The following STK32B variants were observed in gnomAD, a reference collection of about 807,000 sequenced individuals.
The protein encoded by STK32B is serine/threonine kinase 32B, also known as serine/threonine-protein kinase 32B.
Under a neutral mutation model 52.6 loss-of-function variants are expected in STK32B, and 43 were observed. The ratio of observed to expected loss-of-function variants is 0.82; its 90% confidence interval spans 0.64 to 1.05. The LOEUF (loss-of-function observed/expected upper bound fraction) is 1.05, where lower values mean the gene tolerates loss of function less well. STK32B is among the 50% of genes least tolerant of loss of function. The probability of loss-of-function intolerance (pLI) is 0.00; values close to 1 mark genes in which losing one functional copy is unlikely to be tolerated. For synonymous variants in STK32B, 238 were observed against 204.3 expected (o/e 1.17, Z -1.41); for missense variants, 621 against 534.6 (o/e 1.16, Z -1.59).
At chr4:5,385,679 T>G (rs1736201215) in intron 4 of STK32B, among the ~76,000 whole-genome samples, 1 of 152,194 alleles carries the variant, frequency 6.6e-6, no homozygotes, top group South Asian at 2.1e-4. Context: ...TCCAGGTCGT[T>G]TGTTGCACTT....
At chr4:5,240,523 G>A (rs546657853) in intron 3 of STK32B, among the ~76,000 whole-genome samples, 1 of 152,080 alleles carries the variant, frequency 6.6e-6, no homozygotes, top group Non-Finnish European at 1.5e-5. Flanking sequence ...GCAGTGGCAT[G>A]ATCTCTGCTC....
intron 3 of STK32B, among the ~76,000 whole-genome samples, chr4:5,290,354 T>C (rs573333235): frequency 1.1e-4 from 17 of 152,320 alleles, no homozygotes; most frequent in African/African-American, 3.6e-4. Context: ...TAAACAAAAA[T>C]GTTTTATTCC....
At chr4:5,444,514 T>A (rs1428776234) in intron 6 of STK32B, among the ~76,000 whole-genome samples, 1 of 152,178 alleles carries the variant, frequency 6.6e-6, no homozygotes. Context: ...CACTCCCTAG[T>A]GAGATGAACC....
At chr4:5,210,461 T>G (rs1722840581) in intron 3 of STK32B, among the ~76,000 whole-genome samples, 1 of 152,188 alleles carries the variant, frequency 6.6e-6, no homozygotes, top group African/African-American at 2.4e-5. Flanking sequence ...GTATCACAGA[T>G]AATTCATTTT....
At chr4:5,315,485 AAT>A (rs1411203736) in intron 3 of STK32B, among the ~76,000 whole-genome samples, 1 of 148,920 alleles carries the variant, frequency 6.7e-6, no homozygotes, top group East Asian at 1.9e-4. Context: ...GCATAAACTC[AAT>A]ATTATCTAAA....
intron 4 of STK32B, among the ~76,000 whole-genome samples, chr4:5,392,660 C>T (rs1051453456): frequency 2.6e-5 from 4 of 152,036 alleles, no homozygotes; most frequent in Non-Finnish European, 5.9e-5. Context: ...CCAGACATAC[C>T]ACTGACCCTC....
intron 2 of STK32B, among the ~76,000 whole-genome samples, chr4:5,150,574 A>ATTTTTT (rs36018984): frequency 6.7e-6 from 1 of 150,362 alleles, no homozygotes. Context: ...ATCTCAGTCC[A>ATTTTTT]TTTTTTTTTT....
intron 3 of STK32B, among the ~76,000 whole-genome samples, chr4:5,328,691 A>G (rs1001853049): frequency 6.6e-6 from 1 of 152,252 alleles, no homozygotes; most frequent in Admixed American, 6.5e-5. Flanking sequence ...AATTACCAAA[A>G]TGTGACACAG....
chr4:5,403,577 C>G (rs780153922), intron 5 of STK32B, among the ~76,000 whole-genome samples: 6 of 152,166 alleles, frequency 3.9e-5, no homozygotes, highest in Non-Finnish European at 7.3e-5. Context: ...TATTAATACA[C>G]TGTATTTTAT....
intron 4 of STK32B, among the ~76,000 whole-genome samples, chr4:5,334,023 G>A (rs1732458187): frequency 6.6e-6 from 1 of 152,102 alleles, no homozygotes; most frequent in Admixed American, 6.6e-5. Flanking sequence ...GAAAGTCATT[G>A]GTAGCTTGAT....
chr4:5,032,835 T>G, the STK32B span, among the ~76,000 whole-genome samples: 1 of 152,138 alleles, frequency 6.6e-6, no homozygotes, highest in Admixed American at 6.5e-5. Context: ...CCCTTCTATT[T>G]TCTGTCCTTT....
chr4:5,467,961 G>A lies in STK32B; in HGVS notation c.1042-45G>A, dbSNP rs576208200. ...TGATGCTCCATTACCGCGCGTCCCC[G>A]GACCGTGCTTTGTCATTTAGTCACC... On this transcript the variant is annotated intron_variant, in intron 10 of 11. Coordinates refer to ENST00000282908, the MANE Select transcript of STK32B (RefSeq NM_018401.3). The surrounding 1 kb of genome is among the most constrained non-coding windows in gnomAD (Gnocchi z 5.8). 66 of 1,610,938 alleles carry A rather than the reference G, an allele frequency of 4.1e-5. No homozygotes were observed. The highest frequency in any genetic ancestry group is 5.0e-5 in the Admixed American group (3 of 59,996).
At chr4:5,409,903 T>G (rs1711519767) in intron 5 of STK32B, among the ~76,000 whole-genome samples, 1 of 152,180 alleles carries the variant, frequency 6.6e-6, no homozygotes, top group Non-Finnish European at 1.5e-5. Context: ...CATTTTATTC[T>G]TTATCAGGCA....
intron 4 of STK32B, among the ~76,000 whole-genome samples, chr4:5,375,597 AGAAC>A (rs1735535952): frequency 6.6e-6 from 1 of 152,180 alleles, no homozygotes; most frequent in Non-Finnish European, 1.5e-5. Flanking sequence ...CTGTGTTTTA[AGAAC>A]ACAATATCTT....
the STK32B span, among the ~76,000 whole-genome samples, chr4:5,025,255 C>T: frequency 6.6e-6 from 1 of 152,114 alleles, no homozygotes; most frequent in Non-Finnish European, 1.5e-5. Flanking sequence ...AGTGAGACGA[C>T]CCCCACCTCC....
intron 6 of STK32B, chr4:5,435,669 T>G (rs1029843921): frequency 1.3e-5 from 2 of 152,204 alleles, no homozygotes; most frequent in Non-Finnish European, 2.9e-5. Context: ...TTTAGTCAGT[T>G]AACAAATTTT....
chr4:5,171,241 C>T, intron 3 of STK32B, among the ~76,000 whole-genome samples: 1 of 151,966 alleles, frequency 6.6e-6, no homozygotes, highest in East Asian at 1.9e-4. Flanking sequence ...CGAAAATTTT[C>T]TCCCATTCTG....
chr4:5,352,307 T>A (rs1733879172), intron 4 of STK32B, among the ~76,000 whole-genome samples: 1 of 152,062 alleles, frequency 6.6e-6, no homozygotes, highest in Non-Finnish European at 1.5e-5. Flanking sequence ...AATCGGTAAA[T>A]TTAGTACATC....
intron 3 of STK32B, among the ~76,000 whole-genome samples, chr4:5,271,027 T>C (rs1364376707): frequency 1.4e-5 from 2 of 145,174 alleles, no homozygotes; most frequent in African/African-American, 5.1e-5. Flanking sequence ...AACCTCTGCC[T>C]CCCAGATTCA....
Sources: allele counts gnomAD v4.1 joint callset (sites outside exome capture counted in the v4.1 genomes callset), GRCh38; gene constraint gnomAD v4.1.1; non-coding constraint Gnocchi (gnomAD v3.1); transcripts MANE v1.5; gene names NCBI Gene and HGNC (gene_info 2026-07-23, HGNC 2026-07-21).